Variants in AKAP12 observed in about 807,000 individuals in gnomAD.
AKAP12 encodes the protein A-kinase anchoring protein 12.
A neutral mutation model predicts 79.9 loss-of-function variants in AKAP12; 32 were observed. The observed-to-expected ratio is 0.40, with a 90% CI of 0.30 to 0.54. The LOEUF (loss-of-function observed/expected upper bound fraction) is 0.54, where lower values mean the gene tolerates loss of function less well. AKAP12 is among the 20% of genes least tolerant of loss of function. AKAP12 has a pLI of 0.48. For missense variants in AKAP12, 2,074 were observed against 2,177.0 expected (o/e 0.95, Z 0.94); for synonymous variants, 808 against 857.0 (o/e 0.94, Z 1.00).
rs1445416454 is a variant in AKAP12, at chr6:151,268,965, T to G, written c.162+28241T>G. The stretch of plus-strand genomic sequence containing the variant: ...GGCCTGTTTTTTTTTTTTTTTTTTT[T>G]TTTTTTTTTTTTTTAATCAACATCT... On this transcript the variant is annotated intron_variant, in intron 2 of 4. Transcript: ENST00000402676. Among the ~76,000 whole-genome samples the G allele has an allele frequency of 1.9e-4, 26 of 140,134 alleles. 1 individual carries two copies. The highest frequency in any genetic ancestry group is 4.1e-4 in the East Asian group (2 of 4,926). The allele number at this position is 140,134 out of a possible 152,430, so 91.9% of individuals were successfully genotyped here.
chr6:151,341,567 G>C, intron 3 of AKAP12: 1 of 410,800 alleles, frequency 2.4e-6, no homozygotes, highest in Non-Finnish European at 3.6e-6. Flanking sequence ...CTGGCTTCCC[G>C]GGCCCAGGCT....
chr6:151,342,718 A>G lies in AKAP12; in HGVS notation c.320-5993A>G, dbSNP rs1777984168. 2.6e-5 allele frequency among the ~76,000 whole-genome samples: 4 copies of G among 152,210 alleles called. No homozygotes were observed. The South Asian group carries it at 8.3e-4, about 31-fold the overall frequency. ...AACTCATAACTCACTTACTCTATAT[A>G]AAGAGAGCATTTGATTATTGTTAAG... On this transcript the variant is annotated intron_variant, in intron 3 of 4. Transcript: ENST00000402676.
intron 3 of AKAP12, chr6:151,319,532 A>ATATATCTATATC (rs1777322578): frequency 1.1e-5 from 1 of 88,602 alleles, no homozygotes; most frequent in Non-Finnish European, 2.2e-5. Flanking sequence ...ATATAGATAT[A>ATATATCTATATC]TATATATAGA....
In AKAP12 at chr6:151,358,106, T is replaced by C. The variant is rs1299692752; in HGVS notation, c.*2392T>C. 1 of 152,210 alleles carries C rather than the reference T, an allele frequency of 6.6e-6. No individual in the cohort carries two copies. The highest frequency in any genetic ancestry group is 2.4e-5 in the African/African-American group (1 of 41,456). 9.4% of individuals were successfully genotyped at this position (152,210 alleles called of 1,614,324 possible). A position where few individuals can be genotyped will look rare whatever the true frequency, so the allele number is the denominator to read the frequency against. ...ATTTTAACAAGAAGAACACCAACAG[T>C]AGCATGAAATATAATACTGTTTTAT... is the stretch of plus-strand genomic sequence containing the variant. On this transcript the variant is annotated 3_prime_UTR_variant, in exon 5 of 5. Coordinates refer to ENST00000402676, the MANE Select transcript of AKAP12 (RefSeq NM_005100.4).
intron 1 of AKAP12, 55 bp from the exon 2 acceptor site, chr6:151,240,329 G>T: frequency 2.5e-6 from 1 of 397,124 alleles, no homozygotes; most frequent in Non-Finnish European, 4.4e-6. Context: ...AAAACCGGGG[G>T]GAGGGGGGCG....
At chr6:151,341,472 G>T (rs1777943967) in intron 3 of AKAP12, among the ~76,000 whole-genome samples, 3 of 152,218 alleles carry the variant, frequency 2.0e-5, no homozygotes, top group Admixed American at 1.3e-4. Context: ...CCACTGGGGC[G>T]GTCCGCAGGA....
intron 2 of AKAP12, among the ~76,000 whole-genome samples, chr6:151,294,370 GGGGTCGGGGTTGGGGGCACCA>G (rs1776682134): frequency 6.6e-6 from 1 of 152,190 alleles, no homozygotes; most frequent in Admixed American, 6.5e-5. Context: ...CTTGATATGG[GGGGTCGGGGTTGGGGGCACCA>G]GGGATGCCCC....
rs141729078 is a variant in AKAP12, at chr6:151,349,314, G to A, written c.923G>A (p.Arg308His). ...KFFTQGWAGW[R>H]KKTSFRKPKE... is the part of the protein sequence containing the mutation. The stretch of plus-strand genomic sequence containing the variant: ...TTCACTCAAGGTTGGGCCGGCTGGC[G>A]CAAAAAGACCAGTTTCAGGAAGCCG... The change falls in exon 4 of 5, where the codon CGC (arginine) becomes CAC (histidine). Residue 308 changes from arginine (R) to histidine (H), a missense_variant. Arg to His is a conservative substitution (Grantham distance 29). This residue lies in a region of AKAP12 where 1,428 missense variants were observed against 1,451.0 expected (regional missense o/e 0.98). Transcript: ENST00000402676. The A allele has an allele frequency of 4.1e-4, 665 of 1,613,724 alleles. 4 individuals carry two copies. Among genetic ancestry groups the A allele is most frequent in the South Asian group, 1.1e-3 (100 of 91,056 alleles).
At chr6:151,292,285 C>A (rs190468647) in intron 2 of AKAP12, among the ~76,000 whole-genome samples, 135 of 152,222 alleles carry the variant, frequency 8.9e-4, no homozygotes, top group African/African-American at 3.0e-3. Context: ...CTCTTTCAGT[C>A]GAATGGAGCA....
Position 151,352,320 on chromosome 6 carries a change from A to C in AKAP12, c.3929A>C (p.Glu1310Ala). 1 of 1,614,196 alleles carries C rather than the reference A, an allele frequency of 6.2e-7. No individual in the cohort carries two copies. Among genetic ancestry groups the C allele is most frequent in the Non-Finnish European group, 8.5e-7 (1 of 1,180,044 alleles). The change falls in exon 4 of 5, where the codon GAA becomes GCA. Residue 1310 changes from glutamate (E) to alanine (A), a missense_variant. Around this residue, in one of 3 missense-constraint regions of AKAP12, gnomAD observed 614 missense variants for 665.6 expected, o/e 0.92. Coordinates refer to ENST00000402676, the MANE Select transcript of AKAP12 (RefSeq NM_005100.4). ...TEVALKGEGT[E>A]EAECKKDDAL... ...GTTGCCCTTAAAGGTGAAGGGACAG[A>C]AGAAGCTGAATGTAAAAAGGATGAT...
intron 2 of AKAP12, among the ~76,000 whole-genome samples, chr6:151,267,696 C>G (rs1350295508): frequency 6.6e-6 from 1 of 152,188 alleles, no homozygotes; most frequent in Non-Finnish European, 1.5e-5. Context: ...TTTCTGATCC[C>G]TGTTTTCAGG....
Position 151,348,953 on chromosome 6 carries a change from G to T in AKAP12, c.562G>T (p.Asp188Tyr). 1 of 1,614,088 alleles carries T rather than the reference G, an allele frequency of 6.2e-7. No homozygotes were observed. Among genetic ancestry groups the T allele is most frequent in the South Asian group, 1.1e-5 (1 of 91,070 alleles). ...FVGFKFTVKK[D>Y]KTEKPDTVQL... is the part of the protein sequence containing the mutation. ...TGGCTTTAAATTCACTGTGAAAAAG[G>T]ATAAGACAGAGAAGCCTGACACTGT... The change falls in exon 4 of 5, where the codon GAT becomes TAT. Residue 188 changes from aspartate to tyrosine, a missense_variant. Physicochemically the swap from Asp to Tyr is radical, Grantham distance 160. Transcript: ENST00000402676.
chr6:151,312,237 G>A (rs1340826829), intron 3 of AKAP12, among the ~76,000 whole-genome samples: 4 of 152,146 alleles, frequency 2.6e-5, no homozygotes, highest in East Asian at 1.9e-4. Context: ...TTGGGAGGCC[G>A]AGGAGGGCGG....
chr6:151,320,920 G>T (rs1351364095), intron 3 of AKAP12, among the ~76,000 whole-genome samples: 1 of 151,890 alleles, frequency 6.6e-6, no homozygotes, highest in Non-Finnish European at 1.5e-5. Flanking sequence ...CAGTTCAGTG[G>T]TTTTTGCTAT....
chr6:151,240,637 CG>C lies in AKAP12; in HGVS notation c.76del (p.Glu26SerfsTer43). 1 of 1,356,078 alleles carries C rather than the reference CG, an allele frequency of 7.4e-7. No homozygotes were observed. The highest frequency in any genetic ancestry group is 9.5e-7 in the Non-Finnish European group (1 of 1,058,154). The allele number at this position is 1,356,078 out of a possible 1,614,324, so 84.0% of individuals were successfully genotyped here. On this transcript the variant is annotated frameshift_variant, in exon 2 of 5. Transcript: ENST00000402676. LOFTEE classifies it high-confidence loss of function. Reference protein sequence around the residue: ...PEGSSTPAEPEPSGGGPSAEA... With the variant: ...PEGSSTPAEPXPSGGGPSAEA... ...AGGGGAGCTCCACGCCGGCTGAGCC[CG>C]AGCCCAGCGGCGGCGGCCCCTCGGC... is the stretch of plus-strand genomic sequence containing the variant.
intron 2 of AKAP12, among the ~76,000 whole-genome samples, chr6:151,282,603 T>C (rs964083400): frequency 1.3e-5 from 2 of 152,120 alleles, no homozygotes; most frequent in Non-Finnish European, 2.9e-5. Flanking sequence ...AGGTTTGCCC[T>C]TTTGGTTGCT....
intron 2 of AKAP12, among the ~76,000 whole-genome samples, chr6:151,288,391 C>T (rs937616127): frequency 5.3e-5 from 8 of 151,944 alleles, no homozygotes; most frequent in African/African-American, 1.9e-4. Context: ...GTGGCAGGCA[C>T]CTGTAATTTT....
intron 3 of AKAP12, among the ~76,000 whole-genome samples, chr6:151,322,312 C>T (rs1777418085): frequency 6.6e-6 from 1 of 152,094 alleles, no homozygotes; most frequent in Non-Finnish European, 1.5e-5. Context: ...TTCATGTGCT[C>T]ATTGGTCATT....
At chr6:151,344,542 CATTT>C (rs1778035574) in intron 3 of AKAP12, among the ~76,000 whole-genome samples, 2 of 151,668 alleles carry the variant, frequency 1.3e-5, no homozygotes, top group Non-Finnish European at 2.9e-5. Context: ...GTTGTCTGTT[CATTT>C]GTTTTTTGAG....
Sources: gnomAD v4.1 joint callset for allele counts (sites outside exome capture counted in the v4.1 genomes callset) on GRCh38, gnomAD v4.1.1 for gene constraint, gnomAD v4.1.1 regional missense constraint, MANE v1.5 for transcripts, NCBI Gene and HGNC (gene_info 2026-07-23, HGNC 2026-07-21) for gene names.